Variants in WWOX observed in about 807,000 individuals in gnomAD.
The protein encoded by WWOX is WW domain containing oxidoreductase.
WWOX carries 69 observed loss-of-function variants against 46.2 expected under a neutral mutation model. The ratio of observed to expected loss-of-function variants is 1.49; its 90% CI spans 1.23 to 1.82. The LOEUF is 1.82. Ranked by LOEUF, WWOX falls within the 40% of genes most tolerant of loss-of-function variation. The pLI, the probability that WWOX is intolerant of heterozygous loss-of-function variation, is 0.00. For synonymous variants in WWOX, 359 were observed against 202.6 expected, an observed-to-expected ratio of 1.77 and a Z score of -6.56; for missense variants, 919 against 542.6, an observed-to-expected ratio of 1.69 and a Z score of -6.89.
intron 4 of WWOX, among the ~76,000 whole-genome samples, chr16:78,148,897 C>CAAAAA (rs34225165): frequency 5.6e-5 from 3 of 53,228 alleles, no homozygotes; most frequent in African/African-American, 7.9e-5. Flanking sequence ...GACTCCGTCT[C>CAAAAA]AAAAAAAAAA....
At chr16:78,763,207 T>C (rs2049837440) in intron 8 of WWOX, among the ~76,000 whole-genome samples, 1 of 152,230 alleles carries the variant, frequency 6.6e-6, no homozygotes, top group East Asian at 1.9e-4. Flanking sequence ...GCTTGATCTG[T>C]GTTTATTACA....
At chr16:78,703,470 G>A (rs1387741421) in intron 8 of WWOX, among the ~76,000 whole-genome samples, 2 of 151,334 alleles carry the variant, frequency 1.3e-5, no homozygotes, top group Non-Finnish European at 2.9e-5. Flanking sequence ...TTTTTAATTA[G>A]CTGGGGATGG....
intron 8 of WWOX, chr16:79,106,720 G>C (rs1202475079): frequency 2.1e-5 from 3 of 144,786 alleles, no homozygotes; most frequent in Non-Finnish European, 4.5e-5. Context: ...CCTGCCTCAA[G>C]CAACTCTCCA....
intron 8 of WWOX, among the ~76,000 whole-genome samples, chr16:78,737,257 A>G (rs1438380832): frequency 6.6e-6 from 1 of 151,486 alleles, no homozygotes; most frequent in Non-Finnish European, 1.5e-5. Context: ...CCGCCACCAT[A>G]CTTCGCTAAT....
At chr16:79,031,497 G>A (rs888787176) in intron 8 of WWOX, among the ~76,000 whole-genome samples, 1 of 151,932 alleles carries the variant, frequency 6.6e-6, no homozygotes, top group African/African-American at 2.4e-5. Flanking sequence ...ATGAATTTGA[G>A]ATAAAGTGGT....
At chr16:78,258,702 C>A (rs2038196880) in intron 5 of WWOX, among the ~76,000 whole-genome samples, 1 of 126,144 alleles carries the variant, frequency 7.9e-6, no homozygotes, top group South Asian at 2.8e-4. Flanking sequence ...CCAGATTCCT[C>A]CCTCCAAAAA....
chr16:78,200,012 T>C (rs2036184453), intron 5 of WWOX, among the ~76,000 whole-genome samples: 1 of 152,198 alleles, frequency 6.6e-6, no homozygotes, highest in Non-Finnish European at 1.5e-5. Context: ...AAGGACCTGG[T>C]AGTCAATGTG....
chr16:78,787,278 C>T (rs2050480993), intron 8 of WWOX, among the ~76,000 whole-genome samples: 1 of 152,152 alleles, frequency 6.6e-6, no homozygotes, highest in African/African-American at 2.4e-5. Flanking sequence ...AACATTTTTA[C>T]CATCCCCCGC....
Position 78,241,742 on chromosome 16 carries a change from C to G in WWOX, c.516+77453C>G, listed in dbSNP as rs565327924. 8.5e-5 allele frequency among the ~76,000 whole-genome samples: 13 copies of G among 152,280 alleles called. No individual in the cohort carries two copies. The East Asian group carries it at 2.5e-3, about 29-fold the overall frequency. ...GGCGTGAACCACCACGCCCCTCACGCGCAGCCACTGTTGCTATTGATGATT... is the reference window on the plus strand; with the variant it reads ...GGCGTGAACCACCACGCCCCTCACGGGCAGCCACTGTTGCTATTGATGATT... On this transcript the variant is annotated intron_variant, in intron 5 of 8. Transcript: ENST00000566780.
chr16:78,942,031 C>G (rs545008035), intron 8 of WWOX, among the ~76,000 whole-genome samples: 3 of 152,154 alleles, frequency 2.0e-5, no homozygotes, highest in Admixed American at 6.6e-5. Context: ...CTTTCCCACT[C>G]TCTACCTCGC....
intron 8 of WWOX, among the ~76,000 whole-genome samples, chr16:78,505,571 G>A (rs941314864): frequency 1.3e-5 from 2 of 152,138 alleles, no homozygotes; most frequent in African/African-American, 4.8e-5. Flanking sequence ...GGGCTACAGC[G>A]CCCAGTGCCC....
intron 8 of WWOX, among the ~76,000 whole-genome samples, chr16:78,660,773 A>G (rs765640259): frequency 3.3e-5 from 5 of 152,230 alleles, no homozygotes; most frequent in African/African-American, 4.8e-5. Flanking sequence ...GAAACGTTCT[A>G]TGCATTTAGC....
At chr16:79,078,029 G>A (rs1567534486) in intron 8 of WWOX, 1 of 152,042 alleles carries the variant, frequency 6.6e-6, no homozygotes, top group Non-Finnish European at 1.5e-5. Flanking sequence ...TTAGTGTGTG[G>A]TTAAGCACCT....
chr16:79,099,609 A>C (rs1439986879), intron 8 of WWOX, among the ~76,000 whole-genome samples: 1 of 151,962 alleles, frequency 6.6e-6, no homozygotes, highest in African/African-American at 2.4e-5. Context: ...AGAGAGAGAG[A>C]GAGAGAGAGA....
intron 8 of WWOX, among the ~76,000 whole-genome samples, chr16:78,571,527 A>G (rs2044715662): frequency 6.6e-6 from 1 of 152,202 alleles, no homozygotes; most frequent in Admixed American, 6.5e-5. Context: ...AAACTGTCCT[A>G]TAAAGAATAC....
At chr16:79,028,141 G>C (rs1159232169) in intron 8 of WWOX, among the ~76,000 whole-genome samples, 2 of 151,772 alleles carry the variant, frequency 1.3e-5, no homozygotes, top group South Asian at 2.1e-4. Context: ...AGCAGAGACG[G>C]GGTTTCACCG....
chr16:79,131,424 T>C (rs957979277), intron 8 of WWOX, among the ~76,000 whole-genome samples: 2 of 152,036 alleles, frequency 1.3e-5, no homozygotes, highest in African/African-American at 4.8e-5. Context: ...AAAAATGTTG[T>C]TTGTGTTCAT....
chr16:78,956,603 CAT>C (rs1346359786), intron 8 of WWOX, among the ~76,000 whole-genome samples: 1 of 148,626 alleles, frequency 6.7e-6, no homozygotes, highest in Non-Finnish European at 1.5e-5. Context: ...TATATTGTAT[CAT>C]ATCATATCAT....
intron 8 of WWOX, among the ~76,000 whole-genome samples, chr16:78,921,462 C>G (rs774330724): frequency 8.5e-5 from 13 of 152,188 alleles, no homozygotes; most frequent in Non-Finnish European, 2.9e-5. Flanking sequence ...GTAACAACAG[C>G]TCTTAATATC....
Sources: gnomAD v4.1 joint callset for allele counts (sites outside exome capture counted in the v4.1 genomes callset) on GRCh38, gnomAD v4.1.1 for gene constraint, MANE v1.5 for transcripts, NCBI Gene and HGNC (gene_info 2026-07-23, HGNC 2026-07-21) for gene names.